Variants in SUMF1 observed in about 807,000 individuals in gnomAD.
The protein encoded by SUMF1 is formylglycine-generating enzyme.
In SUMF1, 48 loss-of-function variants were observed where a neutral mutation model predicts 47.6. The ratio of observed to expected loss-of-function variants is 1.01; its 90% confidence interval spans 0.80 to 1.28. The LOEUF is 1.28. Among genes scored for constraint, SUMF1 ranks in the 50% most tolerant of loss-of-function variants. SUMF1 has a pLI of 0.00. For missense variants in SUMF1, 571 were observed against 485.4 expected (o/e 1.18, Z -1.66); for synonymous variants, 230 against 192.1 (o/e 1.20, Z -1.63).
At chr3:4,166,713 G>A (rs1377627101) in intron 8 of SUMF1, among the ~76,000 whole-genome samples, 1 of 152,104 alleles carries the variant, frequency 6.6e-6, no homozygotes, top group Non-Finnish European at 1.5e-5. Context: ...TCTCACTTGG[G>A]TGATGTAACT....
At chr3:4,335,203 T>C (rs1285416709) in intron 8 of SUMF1, among the ~76,000 whole-genome samples, 1 of 152,092 alleles carries the variant, frequency 6.6e-6, no homozygotes, top group South Asian at 2.1e-4. Context: ...CTCCCACCCA[T>C]TCCTCACAAT....
At position 4,226,361 on chromosome 3, in the gene SUMF1, C is replaced by A. The variant is rs981515346; in HGVS notation, c.1014+149969G>T. ...CTTGGCTCACTGCAACCTCTGCCTC[C>A]TGGGTTAAAACGATTCTCCTGCCTC... is the stretch of plus-strand genomic sequence containing the variant. On this transcript the variant is annotated intron_variant and NMD_transcript_variant, in intron 8 of 12. Coordinates refer to the SUMF1 transcript ENST00000448413. Among the ~76,000 whole-genome samples the A allele has an allele frequency of 4.1e-5, 6 of 145,830 alleles. No homozygotes were observed. The South Asian group carries it at 6.6e-4, about 16-fold the overall frequency.
At chr3:4,434,167 T>A (rs1262913704) in intron 3 of SUMF1, among the ~76,000 whole-genome samples, 2 of 152,216 alleles carry the variant, frequency 1.3e-5, no homozygotes, top group Non-Finnish European at 2.9e-5. Context: ...CTGTTTATAA[T>A]GATGAAAAAG....
At chr3:4,139,103 C>T (rs1055786451) in intron 8 of SUMF1, among the ~76,000 whole-genome samples, 4 of 151,984 alleles carry the variant, frequency 2.6e-5, no homozygotes, top group African/African-American at 9.7e-5. Context: ...ATTAATAATA[C>T]AGATTAAACA....
At chr3:4,462,289 T>C (rs1380957471) in intron 1 of SUMF1, among the ~76,000 whole-genome samples, 3 of 152,162 alleles carry the variant, frequency 2.0e-5, no homozygotes, top group African/African-American at 7.2e-5. Context: ...AAGTTCATCT[T>C]TGAACTTTTG....
intron 8 of SUMF1, among the ~76,000 whole-genome samples, chr3:4,217,132 A>C (rs544939658): frequency 4.1e-4 from 62 of 152,300 alleles, no homozygotes; most frequent in Middle Eastern, 6.8e-3. Context: ...CATCGATGAT[A>C]GACTGGATTA....
intron 8 of SUMF1, among the ~76,000 whole-genome samples, chr3:4,145,566 C>T (rs77329925): frequency 0.031 from 4,704 of 152,172 alleles, 275 homozygotes; most frequent in African/African-American, 0.11. Flanking sequence ...CTTCTCAATC[C>T]ATACATATAT....
rs9881719 is a variant in SUMF1, at chr3:4,449,707, G to A, written c.445-367C>T. 7.2e-3 allele frequency among the ~76,000 whole-genome samples: 1,099 copies of A among 152,288 alleles called. 16 individuals carry two copies. Among genetic ancestry groups the A allele is most frequent in the African/African-American group, 0.024 (1,006 of 41,566 alleles). ...ATAATCAATCTTTGTCCTTTGTCCT[G>A]AATCTAGCTAAACGAATTAAATAGC... On this transcript the variant is annotated intron_variant, in intron 2 of 8. Transcript: ENST00000272902.
chr3:4,165,710 C>T (rs916034434), intron 8 of SUMF1, among the ~76,000 whole-genome samples: 4 of 151,976 alleles, frequency 2.6e-5, no homozygotes, highest in Admixed American at 2.6e-4. Flanking sequence ...GGGGCCAGAC[C>T]ATGGTGCAGA....
At chr3:4,333,906 C>A (rs1165770659) in intron 8 of SUMF1, among the ~76,000 whole-genome samples, 3 of 151,480 alleles carry the variant, frequency 2.0e-5, no homozygotes, top group Non-Finnish European at 4.4e-5. Context: ...GGTGGGGGGA[C>A]TGCTTGAGAC....
At chr3:4,366,880 T>C (rs1235656063) in intron 8 of SUMF1, among the ~76,000 whole-genome samples, 1 of 152,198 alleles carries the variant, frequency 6.6e-6, no homozygotes, top group African/African-American at 2.4e-5. Context: ...GATGGTGATG[T>C]ACAGATGGGT....
chr3:4,264,090 A>G (rs1697140637), intron 8 of SUMF1, among the ~76,000 whole-genome samples: 2 of 151,326 alleles, frequency 1.3e-5, no homozygotes, highest in South Asian at 4.1e-4. Flanking sequence ...GATCCCTACT[A>G]AGTAAGAAAA....
At chr3:4,353,063 C>G (rs370678827) in intron 8 of SUMF1, among the ~76,000 whole-genome samples, 1 of 152,124 alleles carries the variant, frequency 6.6e-6, no homozygotes, top group African/African-American at 2.4e-5. Context: ...GAGGACCCCA[C>G]AGAATTTCTG....
At chr3:4,282,540 T>C (rs1353483926) in intron 8 of SUMF1, among the ~76,000 whole-genome samples, 1 of 152,122 alleles carries the variant, frequency 6.6e-6, no homozygotes, top group African/African-American at 2.4e-5. Flanking sequence ...TGGGGAAAAA[T>C]CCTTATGGTA....
chr3:4,270,671 G>A (rs1697285449), intron 8 of SUMF1, among the ~76,000 whole-genome samples: 1 of 152,162 alleles, frequency 6.6e-6, no homozygotes, highest in Non-Finnish European at 1.5e-5. Context: ...TTCAACAAAG[G>A]ATACCAGCAT....
At chr3:4,429,866 C>A (rs1464765184) in intron 3 of SUMF1, among the ~76,000 whole-genome samples, 1 of 152,188 alleles carries the variant, frequency 6.6e-6, no homozygotes, top group Non-Finnish European at 1.5e-5. Flanking sequence ...TCTCACCGGG[C>A]AGCAGAACAC....
intron 8 of SUMF1, among the ~76,000 whole-genome samples, chr3:4,310,120 T>G (rs1698347478): frequency 6.6e-6 from 1 of 152,226 alleles, no homozygotes; most frequent in African/African-American, 2.4e-5. Context: ...AAATACTGTA[T>G]TCTAATCTTA....
At chr3:4,067,748 G>A (rs572122440) in intron 9 of SUMF1, among the ~76,000 whole-genome samples, 5 of 152,218 alleles carry the variant, frequency 3.3e-5, no homozygotes, top group African/African-American at 9.6e-5. Flanking sequence ...CTGATGTCCT[G>A]CAGGTGCCCA....
At chr3:4,053,648 C>G (rs188608204) in intron 9 of SUMF1, among the ~76,000 whole-genome samples, 1 of 152,252 alleles carries the variant, frequency 6.6e-6, no homozygotes, top group East Asian at 1.9e-4. Context: ...CCACTGCCCT[C>G]CGAACTGTGA....
Sources: allele counts gnomAD v4.1 joint callset (sites outside exome capture counted in the v4.1 genomes callset), GRCh38; gene constraint gnomAD v4.1.1; transcripts MANE v1.5; gene names NCBI Gene and HGNC (gene_info 2026-07-23, HGNC 2026-07-21).